The following RAG1 variants were observed in gnomAD, a reference collection of about 807,000 sequenced individuals.
RAG1 encodes the protein V(D)J recombination-activating protein 1.
RAG1 carries 35 observed loss-of-function variants against 62.7 expected under a neutral mutation model. The ratio of observed to expected loss-of-function variants is 0.56; its 90% CI spans 0.43 to 0.74. RAG1 has a LOEUF of 0.74. Among genes scored for constraint, RAG1 ranks in the 30% least tolerant of loss-of-function variants. The pLI is 0.00. For missense variants in RAG1, 1,169 were observed against 1,278.6 expected (o/e 0.91, Z 1.31); for synonymous variants, 461 against 470.3 (o/e 0.98, Z 0.26).
chr11:36,547,868 A>T (rs1333537824), intron 3 of RAG1, among the ~76,000 whole-genome samples: 1 of 152,226 alleles, frequency 6.6e-6, no homozygotes, highest in African/African-American at 2.4e-5. Context: ...TCGATGTGAA[A>T]ATCCTCAGTA....
Position 36,573,775 on chromosome 11 carries a change from G to T in RAG1, c.471G>T (p.Lys157Asn), listed in dbSNP as rs751582511. 67 of 1,613,978 alleles carry T rather than the reference G, an allele frequency of 4.2e-5. No homozygotes were observed. Among genetic ancestry groups the T allele is most frequent in the Non-Finnish European group, 5.4e-5 (64 of 1,180,034 alleles). ...RATSWPDLIA[K>N]VFRIDVKADV... is the part of the protein sequence containing the mutation. ...CTTCCTGGCCGGACCTCATTGCCAA[G>T]GTTTTCCGGATCGATGTGAAGGCAG... The change falls in exon 2 of 2, where the codon AAG becomes AAT. Residue 157 changes from lysine (K) to asparagine (N), a missense_variant. Coordinates refer to ENST00000299440, the MANE Select transcript of RAG1 (RefSeq NM_000448.3).
intron 1 of RAG1, among the ~76,000 whole-genome samples, chr11:36,517,930 T>G (rs1158819208): frequency 6.6e-6 from 1 of 151,878 alleles, no homozygotes; most frequent in African/African-American, 2.4e-5. Context: ...GTTGGTGTGC[T>G]GCACCCATTA....
chr11:36,567,350 T>A (rs1850676081), upstream of RAG1: 1 of 152,222 alleles, frequency 6.6e-6, no homozygotes, highest in South Asian at 2.1e-4. Flanking sequence ...ATATTATTAA[T>A]CTTAGGTTGC....
At position 36,575,287 on chromosome 11, in the gene RAG1, G is replaced by A; in HGVS notation, c.1983G>A (p.Met661Ile). Residue 661 changes from methionine (M) to isoleucine (I), a missense_variant, in exon 2 of 2, where the codon ATG becomes ATA. Met to Ile is a conservative substitution (Grantham distance 10). This residue lies in a region of RAG1 where 800 missense variants were observed against 943.3 expected (regional missense o/e 0.85). Transcript: ENST00000299440. The surrounding 1 kb of genome is among the most constrained non-coding windows in gnomAD (Gnocchi z 4.1). Reference protein sequence around the residue: ...SELCCKPLCLMLADESDHETL... With the variant: ...SELCCKPLCLILADESDHETL... ...TGTGTTGCAAGCCATTGTGCCTTAT[G>A]CTGGCAGATGAGTCTGACCACGAGA... 6.2e-7 allele frequency: 1 copy of A among 1,614,204 alleles called. No homozygotes were observed. Among genetic ancestry groups the A allele is most frequent in the East Asian group, 2.2e-5 (1 of 44,882 alleles).
intron 2 of RAG1, among the ~76,000 whole-genome samples, chr11:36,523,920 A>T (rs779608572): frequency 2.0e-5 from 3 of 152,184 alleles, no homozygotes; most frequent in Non-Finnish European, 4.4e-5. Context: ...TTCTGCTATC[A>T]CCAGGATCCA....
intron 3 of RAG1, among the ~76,000 whole-genome samples, chr11:36,559,218 A>G (rs890737972): frequency 6.6e-6 from 1 of 152,176 alleles, no homozygotes; most frequent in Admixed American, 6.5e-5. Flanking sequence ...TGCTGTTAGT[A>G]TAATGAAGAT....
intron 3 of RAG1, among the ~76,000 whole-genome samples, chr11:36,546,509 G>T (rs1850396154): frequency 2.0e-5 from 3 of 152,088 alleles, no homozygotes; most frequent in South Asian, 4.1e-4. Flanking sequence ...ATGCCACATC[G>T]ATGGGTGTTT....
At chr11:36,548,806 T>C (rs564763977) in intron 3 of RAG1, among the ~76,000 whole-genome samples, 95 of 152,040 alleles carry the variant, frequency 6.2e-4, no homozygotes, top group African/African-American at 2.2e-3. Flanking sequence ...AAAGAGCCCA[T>C]ATGGTCAAGA....
Position 36,575,093 on chromosome 11 carries a change from G to A in RAG1, c.1789G>A (p.Val597Met). The A allele has an allele frequency of 6.2e-7, 1 of 1,614,182 alleles. No homozygotes were observed. The highest frequency in any genetic ancestry group is 8.5e-7 in the Non-Finnish European group (1 of 1,180,022). ...DDYLNGPFTV[V>M]VKESCDGMGD... ...TTACCTGAATGGCCCCTTCACTGTG[G>A]TGGTGAAGGAGTCTTGTGATGGAAT... Residue 597 changes from valine (V) to methionine (M), a missense_variant, in exon 2 of 2, where the codon GTG (valine) becomes ATG (methionine). By Grantham distance (21) the Val-to-Met change is conservative. Around this residue, in one of 2 missense-constraint regions of RAG1, gnomAD observed 800 missense variants for 943.3 expected, o/e 0.85. Coordinates refer to ENST00000299440, the MANE Select transcript of RAG1 (RefSeq NM_000448.3). This position sits in a 1 kb window ranked among gnomAD's most constrained non-coding sequence, Gnocchi z 4.1.
At position 36,575,647 on chromosome 11, in the gene RAG1, G is replaced by C. The variant is rs961233109; in HGVS notation, c.2343G>C (p.Gly781=). ...SVEELRDRVK[G]VSAKPFIETV... ...AAGAACTGCGGGATCGGGTGAAAGG[G>C]GTCTCAGCTAAACCTTTCATTGAGA... is the stretch of plus-strand genomic sequence containing the variant. Residue 781 remains glycine (G), a synonymous_variant, in exon 2 of 2, where the codon GGG becomes GGC. Transcript: ENST00000299440. The surrounding 1 kb of genome is among the most constrained non-coding windows in gnomAD (Gnocchi z 4.1). 2 of 1,613,998 alleles carry C rather than the reference G, an allele frequency of 1.2e-6. No homozygotes were observed. Among genetic ancestry groups the C allele is most frequent in the African/African-American group, 2.7e-5 (2 of 74,908 alleles).
intron 3 of RAG1, among the ~76,000 whole-genome samples, chr11:36,549,742 G>A (rs1381659687): frequency 6.6e-6 from 1 of 152,152 alleles, no homozygotes; most frequent in East Asian, 1.9e-4. Flanking sequence ...AATACCATTT[G>A]ACCCAGCAAT....
chr11:36,533,211 G>A (rs1412151040), intron 2 of RAG1, among the ~76,000 whole-genome samples: 2 of 152,148 alleles, frequency 1.3e-5, no homozygotes, highest in South Asian at 4.1e-4. Flanking sequence ...TATAAAACCC[G>A]AGGAGGGGGT....
At chr11:36,529,501 A>G (rs1028663853) in intron 2 of RAG1, among the ~76,000 whole-genome samples, 6 of 152,218 alleles carry the variant, frequency 3.9e-5, no homozygotes, top group African/African-American at 4.8e-5. Context: ...TCTCAAAATA[A>G]TAAGAGCTAC....
At chr11:36,526,486 G>A (rs1860165110) in intron 2 of RAG1, among the ~76,000 whole-genome samples, 1 of 152,056 alleles carries the variant, frequency 6.6e-6, no homozygotes, top group African/African-American at 2.4e-5. Context: ...TATCATTTAT[G>A]GACATTTGGG....
intron 2 of RAG1, among the ~76,000 whole-genome samples, chr11:36,521,315 A>C (rs1860076742): frequency 6.6e-6 from 1 of 152,006 alleles, no homozygotes; most frequent in Admixed American, 6.6e-5. Flanking sequence ...GACCCGGTAA[A>C]AGATGATTGA....
intron 1 of RAG1, among the ~76,000 whole-genome samples, chr11:36,519,797 A>G (rs1445268774): frequency 2.0e-5 from 3 of 152,156 alleles, no homozygotes; most frequent in African/African-American, 7.2e-5. Flanking sequence ...AAATGAACAT[A>G]ACCCCTCCAC....
intron 2 of RAG1, among the ~76,000 whole-genome samples, chr11:36,522,454 C>T (rs556856884): frequency 6.6e-6 from 1 of 152,336 alleles, no homozygotes; most frequent in Admixed American, 6.5e-5. Flanking sequence ...AGAACCTCTG[C>T]CTAGATTTCA....
intron 3 of RAG1, among the ~76,000 whole-genome samples, chr11:36,543,005 C>A (rs1366997765): frequency 2.0e-5 from 3 of 152,208 alleles, no homozygotes; most frequent in African/African-American, 7.2e-5. Flanking sequence ...AAAAATTAAT[C>A]TAATCAGTGC....
chr11:36,518,128 TG>T (rs1364863432), intron 1 of RAG1, among the ~76,000 whole-genome samples: 3 of 151,994 alleles, frequency 2.0e-5, no homozygotes, highest in Non-Finnish European at 1.5e-5. Flanking sequence ...CTGAGAATGA[TG>T]GTTTCCAGTT....
Sources: gnomAD v4.1 joint callset for allele counts (sites outside exome capture counted in the v4.1 genomes callset) on GRCh38, gnomAD v4.1.1 for gene constraint, gnomAD v4.1.1 regional missense constraint, Gnocchi (gnomAD v3.1) non-coding constraint, MANE v1.5 for transcripts, NCBI Gene and HGNC (gene_info 2026-07-23, HGNC 2026-07-21) for gene names.